The following PCDH11Y variants were observed in gnomAD, a reference collection of about 807,000 sequenced individuals.
PCDH11Y encodes the protein protocadherin 11 Y-linked, also known as protocadherin-11 Y-linked.
For missense variants in PCDH11Y, 12 were observed against 224.8 expected (o/e 0.05, Z 6.05); for synonymous variants, 9 against 83.6 (o/e 0.11, Z 4.87).
chrY:5,261,081 A>G (rs2053017697), intron 2 of PCDH11Y, among the ~76,000 whole-genome samples: 2 of 32,931 alleles, frequency 6.1e-5, no homozygotes, highest in Admixed American at 5.6e-4. Flanking sequence ...CGTGTGAGAT[A>G]TGCCCTTCAC....
At chrY:5,087,812 C>A in intron 1 of PCDH11Y, among the ~76,000 whole-genome samples, 3 of 31,856 alleles carry the variant, frequency 9.4e-5, no homozygotes, top group African/African-American at 2.5e-4. Flanking sequence ...AAATTTGGAC[C>A]ACTGGGATCA....
intron 2 of PCDH11Y, among the ~76,000 whole-genome samples, chrY:5,154,889 G>C: frequency 6.2e-5 from 2 of 32,490 alleles, no homozygotes; most frequent in Non-Finnish European, 1.5e-4. Flanking sequence ...TATGAGTGAA[G>C]TTTACACTGA....
intron 2 of PCDH11Y, among the ~76,000 whole-genome samples, chrY:5,256,862 A>T (rs2053011751): frequency 3.0e-5 from 1 of 33,135 alleles, no homozygotes; most frequent in Non-Finnish European, 7.4e-5. Flanking sequence ...GCATATAGAA[A>T]TGCTACTGAT....
intron 2 of PCDH11Y, among the ~76,000 whole-genome samples, chrY:5,388,954 G>C: frequency 2.4e-4 from 8 of 33,706 alleles, no homozygotes; most frequent in Non-Finnish European, 2.2e-4. Context: ...TGGTTTCCAA[G>C]TAAGCTGCAG....
At chrY:5,004,776 T>A (rs2052537525) in intron 1 of PCDH11Y, among the ~76,000 whole-genome samples, 1 of 34,259 alleles carries the variant, frequency 2.9e-5, no homozygotes, top group Non-Finnish European at 7.3e-5. Context: ...CCACAAACTT[T>A]AATTAGTCAC....
intron 1 of PCDH11Y, among the ~76,000 whole-genome samples, chrY:5,005,874 G>A: frequency 3.1e-5 from 1 of 32,539 alleles, no homozygotes; most frequent in Admixed American, 2.9e-4. Context: ...AAGAAGCTAA[G>A]GGGAAAGAAA....
intron 2 of PCDH11Y, among the ~76,000 whole-genome samples, chrY:5,379,926 G>C: frequency 3.3e-5 from 1 of 30,462 alleles, no homozygotes; most frequent in Non-Finnish European, 7.8e-5. Context: ...AAGGGGGTCT[G>C]AGTTGGTTAA....
downstream of PCDH11Y, among the ~76,000 whole-genome samples, chrY:5,108,762 A>C: frequency 6.7e-5 from 2 of 29,865 alleles, no homozygotes; most frequent in African/African-American, 1.3e-4. Flanking sequence ...AAAAAAAAAA[A>C]AAAAAGAAAA....
chrY:5,020,172 T>C, intron 1 of PCDH11Y, among the ~76,000 whole-genome samples: 1 of 30,850 alleles, frequency 3.2e-5, no homozygotes, highest in Non-Finnish European at 7.7e-5. Context: ...AAATTAAAAT[T>C]TTAGGATATT....
chrY:5,107,788 G>T, downstream of PCDH11Y, among the ~76,000 whole-genome samples: 1 of 33,460 alleles, frequency 3.0e-5, no homozygotes, highest in Non-Finnish European at 7.4e-5. Context: ...GGCCGGGTGT[G>T]GTGGCTCACG....
At chrY:5,118,103 A>C in intron 2 of PCDH11Y, among the ~76,000 whole-genome samples, 1 of 32,895 alleles carries the variant, frequency 3.0e-5, no homozygotes, top group Non-Finnish European at 7.4e-5. Flanking sequence ...ATATAAAGCT[A>C]AAATACAGTT....
chrY:5,026,571 A>C, intron 1 of PCDH11Y, among the ~76,000 whole-genome samples: 3 of 29,589 alleles, frequency 1.0e-4, no homozygotes, highest in Non-Finnish European at 2.4e-4. Context: ...ACCACTTCTA[A>C]TTCTATTCAC....
At chrY:5,191,690 T>C in intron 2 of PCDH11Y, among the ~76,000 whole-genome samples, 11 of 18,671 alleles carry the variant, frequency 5.9e-4, no homozygotes, top group African/African-American at 2.1e-3. Flanking sequence ...TCTGTGTCCA[T>C]GTGTTCTGAT....
chrY:5,152,118 CT>C (rs2052864764), intron 2 of PCDH11Y, among the ~76,000 whole-genome samples: 1 of 20,499 alleles, frequency 4.9e-5, no homozygotes, highest in Non-Finnish European at 1.1e-4. Flanking sequence ...GAGCAAATTT[CT>C]TTATAGAGGG....
chrY:5,637,846 G>C lies in PCDH11Y; in HGVS notation c.3352+56048G>C, dbSNP rs2124704687. Among the ~76,000 whole-genome samples the C allele has an allele frequency of 4.0e-4, 10 of 25,121 alleles. No homozygotes were observed. The South Asian group carries it at 9.7e-3, about 24-fold the overall frequency. 67.4% of individuals were successfully genotyped at this position (25,121 alleles called of 37,273 possible). On this transcript the variant is annotated intron_variant, in intron 4 of 4. Transcript: ENST00000400457. Reference sequence around the variant, plus strand: ...TTGGCCTGTTTAAGACCTTCTGCGAGCATGCTAGCAAAAGAAAAGTTCCCT... The same window carrying C: ...TTGGCCTGTTTAAGACCTTCTGCGACCATGCTAGCAAAAGAAAAGTTCCCT...
At chrY:5,547,269 CTATCTATCTATG>C (rs2053413967) in intron 3 of PCDH11Y, among the ~76,000 whole-genome samples, 79 of 18,865 alleles carry the variant, frequency 4.2e-3, no homozygotes, top group Admixed American at 0.03. Flanking sequence ...ATCTATCTAT[CTATCTATCTATG>C]TATCTATCTT....
At chrY:5,250,362 A>G (rs2053002700) in intron 2 of PCDH11Y, among the ~76,000 whole-genome samples, 2 of 32,550 alleles carry the variant, frequency 6.1e-5, no homozygotes, top group African/African-American at 2.4e-4. Flanking sequence ...AAAGACATGG[A>G]ACCAACCAAA....
intron 2 of PCDH11Y, among the ~76,000 whole-genome samples, chrY:5,415,110 C>T: frequency 9.2e-5 from 3 of 32,780 alleles, no homozygotes; most frequent in African/African-American, 2.4e-4. Context: ...TCTTTGACAT[C>T]CTTGGGGGTT....
At chrY:5,402,910 G>T (rs2053235444) in intron 2 of PCDH11Y, among the ~76,000 whole-genome samples, 1 of 31,909 alleles carries the variant, frequency 3.1e-5, no homozygotes, top group Non-Finnish European at 7.6e-5. Context: ...CACATGCCTT[G>T]GTATTTTCAT....
Sources: allele counts gnomAD v4.1 joint callset (sites outside exome capture counted in the v4.1 genomes callset), GRCh38; gene constraint gnomAD v4.1.1; transcripts MANE v1.5; gene names NCBI Gene and HGNC (gene_info 2026-07-23, HGNC 2026-07-21).